MYSM1: variants seen among roughly 807,000 people sequenced by gnomAD.
MYSM1 encodes the protein Myb like, SWIRM and MPN domains 1, also known as deubiquitinase MYSM1.
Under a neutral mutation model 116.0 loss-of-function variants are expected in MYSM1, and 51 were observed. The ratio of observed to expected loss-of-function variants is 0.44; its 90% CI spans 0.35 to 0.56. The LOEUF (loss-of-function observed/expected upper bound fraction) is 0.56. Among genes scored for constraint, MYSM1 ranks in the 20% least tolerant of loss-of-function variants. The pLI, the probability that MYSM1 is intolerant of heterozygous loss-of-function variation, is 0.00. For synonymous variants in MYSM1, 313 were observed against 315.2 expected, an observed-to-expected ratio of 0.99 and a Z score of 0.07; for missense variants, 900 against 974.9, an observed-to-expected ratio of 0.92 and a Z score of 1.02.
Position 58,667,890 on chromosome 1 carries a change from C to A in MYSM1, c.1799G>T (p.Gly600Val). Residue 600 changes from glycine to valine, a missense_variant, in exon 15 of 20, where the codon GGT becomes GTT. Physicochemically the swap from Gly to Val is moderately radical, Grantham distance 109. This residue lies in a region of MYSM1 where 92 missense variants were observed against 155.0 expected (regional missense o/e 0.59). Coordinates refer to ENST00000472487, the MANE Select transcript of MYSM1 (RefSeq NM_001085487.3). ...HAHVSMAEVIGLLGGRYSEVD... is the reference protein window; with the variant it reads ...HAHVSMAEVIVLLGGRYSEVD... ...TTCTGAGTATCTTCCTCCTAACAGA[C>A]CAATCACTTCTGCCATAGAAACATG... 2 of 1,612,738 alleles carry A rather than the reference C, an allele frequency of 1.2e-6. No individual in the cohort carries two copies. The highest frequency in any genetic ancestry group is 1.7e-6 in the Non-Finnish European group (2 of 1,178,906).
At chr1:58,679,430 G>C (rs1456087238) in intron 8 of MYSM1, among the ~76,000 whole-genome samples, 1 of 152,108 alleles carries the variant, frequency 6.6e-6, no homozygotes, top group Non-Finnish European at 1.5e-5. Context: ...TATAGAATTT[G>C]ATTAAAGTAA....
chr1:58,665,180 T>G (rs1483182968), intron 17 of MYSM1, among the ~76,000 whole-genome samples: 1 of 152,172 alleles, frequency 6.6e-6, no homozygotes, highest in Non-Finnish European at 1.5e-5. Context: ...ATAAAAAAAT[T>G]TTCATGAGAA....
chr1:58,663,133 G>A (rs1644419020), intron 17 of MYSM1, among the ~76,000 whole-genome samples: 1 of 152,094 alleles, frequency 6.6e-6, no homozygotes, highest in Non-Finnish European at 1.5e-5. Context: ...TGTCAGAGCT[G>A]GGATCTGAAT....
chr1:58,686,076 C>A (rs1363350462), intron 6 of MYSM1, among the ~76,000 whole-genome samples: 1 of 152,158 alleles, frequency 6.6e-6, no homozygotes, highest in Non-Finnish European at 1.5e-5. Flanking sequence ...CAGGTACGCA[C>A]CACTTTGCCG....
At position 58,657,211 on chromosome 1, in the gene MYSM1, T is replaced by C. The variant is rs1644330027; in HGVS notation, c.*2786A>G. 1 of 147,604 alleles carries C rather than the reference T, an allele frequency of 6.8e-6. No individual in the cohort carries two copies. Among genetic ancestry groups the C allele is most frequent in the African/African-American group, 2.5e-5 (1 of 39,620 alleles). 9.1% of individuals were successfully genotyped at this position (147,604 alleles called of 1,614,324 possible). A position where few individuals can be genotyped will look rare whatever the true frequency, so the allele number is the denominator to read the frequency against. ...ATTAAGTCTAATACTGGGGAAGCGC[T>C]AGTGTCGATTTCCATTAGCCAAGCC... is the stretch of plus-strand genomic sequence containing the variant. On this transcript the variant is annotated 3_prime_UTR_variant, in exon 20 of 20. Coordinates refer to ENST00000472487, the MANE Select transcript of MYSM1 (RefSeq NM_001085487.3).
In MYSM1 at chr1:58,667,855, C is replaced by T. The variant is rs767560916; in HGVS notation, c.1834G>A (p.Val612Ile). The T allele has an allele frequency of 9.4e-6, 15 of 1,601,304 alleles. No homozygotes were observed. Among genetic ancestry groups the T allele is most frequent in the Non-Finnish European group, 1.3e-5 (15 of 1,168,522 alleles). ...TAAAAGAGAGAACTTACTTCAACTA[C>T]TTTATCAACTTCTGAGTATCTTCCT... is the stretch of plus-strand genomic sequence containing the variant. ...LGGRYSEVDK[V>I]VEVCAAEPCN... is the part of the protein sequence containing the mutation. The change falls in exon 15 of 20, where the codon GTA (valine) becomes ATA (isoleucine). Residue 612 changes from valine (V) to isoleucine (I), a missense_variant. This residue lies in a region of MYSM1 where 92 missense variants were observed against 155.0 expected (regional missense o/e 0.59). Transcript: ENST00000472487.
intron 9 of MYSM1, chr1:58,676,683 T>C (rs1644658425): frequency 3.8e-6 from 1 of 261,630 alleles, no homozygotes; most frequent in African/African-American, 2.3e-5. Context: ...TCTTAAATTA[T>C]TTCTATTACT....
At chr1:58,674,852 G>A (rs562173082) in intron 10 of MYSM1, among the ~76,000 whole-genome samples, 6 of 151,418 alleles carry the variant, frequency 4.0e-5, no homozygotes, top group Non-Finnish European at 5.9e-5. Context: ...GTGTGAACCC[G>A]GGAGATGGAG....
chr1:58,660,211 T>A, intron 19 of MYSM1, 56 bp from the exon 20 acceptor site: 1 of 1,160,856 alleles, frequency 8.6e-7, no homozygotes, highest in Non-Finnish European at 1.2e-6. Context: ...AGGGTTTGCA[T>A]TACTATCACT....
rs199949280 is a variant in MYSM1 at position 58,660,032 on chromosome 1, T to C, written c.2452A>G (p.Thr818Ala). Reference protein sequence around the residue: ...NYKSNQENGVTEENCTKELLM With the variant: ...NYKSNQENGVAEENCTKELLM ...AATTCCTTTGTACAGTTCTCTTCGG[T>C]TACTCCATTCTCTTGGTTGCTTTTA... is the stretch of plus-strand genomic sequence containing the variant. The change falls in exon 20 of 20, where the codon ACC becomes GCC. Residue 818 changes from threonine (T) to alanine (A), a missense_variant. Transcript: ENST00000472487. 4.2e-5 allele frequency: 68 copies of C among 1,605,032 alleles called. 1 individual carries two copies. The African/African-American group carries it at 7.9e-4, about 19-fold the overall frequency.
At chr1:58,668,753 GC>G in intron 13 of MYSM1, 71 bp from the exon 14 acceptor site, 1 of 1,363,500 alleles carries the variant, frequency 7.3e-7, no homozygotes, top group Non-Finnish European at 1.0e-6. Context: ...CACCTGGAAT[GC>G]CCACCCTGTT....
intron 14 of MYSM1, 68 bp from the exon 15 acceptor site, chr1:58,667,989 T>G: frequency 9.3e-7 from 1 of 1,080,862 alleles, no homozygotes; most frequent in Non-Finnish European, 1.4e-6. Context: ...CAAAACTCAC[T>G]TATCATAAGA....
intron 11 of MYSM1, 37 bp from the exon 12 acceptor site, chr1:58,671,995 T>A: frequency 2.6e-6 from 4 of 1,515,670 alleles, no homozygotes; most frequent in Non-Finnish European, 3.7e-6. Flanking sequence ...GAGTCCATCA[T>A]CTACTAAGAG....
chr1:58,687,337 C>T (rs1419129682), intron 6 of MYSM1, among the ~76,000 whole-genome samples: 2 of 152,120 alleles, frequency 1.3e-5, no homozygotes, highest in Non-Finnish European at 2.9e-5. Flanking sequence ...CTGGTTACCC[C>T]GGGCGAAGCG....
At chr1:58,661,905 C>T (rs1469112949) in intron 17 of MYSM1, among the ~76,000 whole-genome samples, 1 of 151,542 alleles carries the variant, frequency 6.6e-6, no homozygotes, top group African/African-American at 2.4e-5. Context: ...TATTGCCATC[C>T]TAGTGATAAT....
intron 7 of MYSM1, among the ~76,000 whole-genome samples, chr1:58,684,851 AATAAG>A (rs1323406791): frequency 6.6e-6 from 1 of 152,190 alleles, no homozygotes; most frequent in Non-Finnish European, 1.5e-5. Context: ...TAGAGGAAAC[AATAAG>A]ATAAGATCTC....
intron 3 of MYSM1, among the ~76,000 whole-genome samples, chr1:58,691,023 T>C (rs916279505): frequency 3.3e-5 from 5 of 152,192 alleles, no homozygotes; most frequent in Non-Finnish European, 5.9e-5. Flanking sequence ...CTCACACCTG[T>C]AATCCCAGCA....
chr1:58,671,826 A>G, intron 12 of MYSM1, 44 bp downstream of exon 12: 1 of 1,410,664 alleles, frequency 7.1e-7, no homozygotes, highest in South Asian at 1.2e-5. Flanking sequence ...TTATCTAGCC[A>G]TTTGTGATAA....
chr1:58,679,366 GTACC>G (rs1242919984), intron 8 of MYSM1, among the ~76,000 whole-genome samples: 1 of 152,148 alleles, frequency 6.6e-6, no homozygotes, highest in Non-Finnish European at 1.5e-5. Flanking sequence ...GTAATTTATA[GTACC>G]TATATAAATT....
Sources: gnomAD v4.1 joint callset for allele counts (sites outside exome capture counted in the v4.1 genomes callset) on GRCh38, gnomAD v4.1.1 for gene constraint, gnomAD v4.1.1 regional missense constraint, MANE v1.5 for transcripts, NCBI Gene and HGNC (gene_info 2026-07-23, HGNC 2026-07-21) for gene names.